SMAD5: variants seen among roughly 807,000 people sequenced by gnomAD.
SMAD5 encodes MAD, mothers against decapentaplegic homolog 5.
In SMAD5, 9 loss-of-function variants were observed where a neutral mutation model predicts 43.1. The ratio of observed to expected loss-of-function variants is 0.21; its 90% CI spans 0.13 to 0.36. The LOEUF is 0.36. Ranked by LOEUF, SMAD5 falls within the 10% of genes least tolerant of loss-of-function variation. The pLI is 1.00. For missense variants in SMAD5, 348 were observed against 574.0 expected (o/e 0.61, Z 4.02); for synonymous variants, 190 against 192.4 (o/e 0.99, Z 0.10).
intron 1 of SMAD5, among the ~76,000 whole-genome samples, chr5:136,138,811 A>G (rs7730051): frequency 0.36 from 54,786 of 152,074 alleles, 10,858 homozygotes; most frequent in African/African-American, 0.54. Context: ...AAATGTGGGC[A>G]GTAAGGCCCT....
intron 6 of SMAD5, among the ~76,000 whole-genome samples, chr5:136,173,472 C>G (rs1378841708): frequency 1.3e-5 from 2 of 151,966 alleles, no homozygotes; most frequent in Non-Finnish European, 2.9e-5. Context: ...TCAAAAAAAT[C>G]CTGCGGCCAA....
intron 5 of SMAD5, 86 bp from the exon 6 acceptor site, chr5:136,172,348 A>G (rs1285655954): frequency 1.1e-5 from 8 of 732,980 alleles, no homozygotes; most frequent in Non-Finnish European, 1.8e-5. Context: ...TTCATGTAAT[A>G]CTTGGGTTGG....
At chr5:136,151,130 CATTT>C (rs1259417690) in intron 2 of SMAD5, among the ~76,000 whole-genome samples, 1 of 151,970 alleles carries the variant, frequency 6.6e-6, no homozygotes, top group African/African-American at 2.4e-5. Flanking sequence ...TTTTCTTACT[CATTT>C]ATTTGATAAA....
At chr5:136,153,282 A>C (rs758860368) in intron 2 of SMAD5, among the ~76,000 whole-genome samples, 3 of 152,134 alleles carry the variant, frequency 2.0e-5, no homozygotes, top group Non-Finnish European at 4.4e-5. Context: ...CAAATTTTAG[A>C]AGAGTGTTTT....
chr5:136,163,239 G>A lies in SMAD5; in HGVS notation c.656-33G>A, dbSNP rs751524351. On this transcript the variant is annotated intron_variant, in intron 4 of 7. Transcript: ENST00000545279. ...TTAGAGTAATAATTTTGAGCAGAATGAAGATTTTAATTATTATTTTTTTTC... is the reference window on the plus strand; with the variant it reads ...TTAGAGTAATAATTTTGAGCAGAATAAAGATTTTAATTATTATTTTTTTTC... 5 of 1,566,224 alleles carry A rather than the reference G, an allele frequency of 3.2e-6. No individual in the cohort carries two copies. The South Asian group carries it at 3.5e-5, about 11-fold the overall frequency.
intron 1 of SMAD5, chr5:136,147,335 T>C (rs183456878): frequency 6.6e-6 from 1 of 151,874 alleles, no homozygotes; most frequent in African/African-American, 2.4e-5. Context: ...TTAAGTGGTA[T>C]AAAAATAAGT....
chr5:136,182,077 C>T lies in SMAD5; in HGVS notation c.*4597C>T, dbSNP rs1388557909. ...TCTTAAAATGATCGTAAACCATTAT[C>T]CTTTAAAGGTTTATTTGAAGATGCT... On this transcript the variant is annotated 3_prime_UTR_variant, in exon 8 of 8. Coordinates refer to ENST00000545279, the MANE Select transcript of SMAD5 (RefSeq NM_005903.7). 1.3e-5 allele frequency: 2 copies of T among 152,012 alleles called. No homozygotes were observed. Among genetic ancestry groups the T allele is most frequent in the African/African-American group, 2.4e-5 (1 of 41,388 alleles). 9.4% of individuals were successfully genotyped at this position (152,012 alleles called of 1,614,324 possible). A position where few individuals can be genotyped will look rare whatever the true frequency, so the allele number is the denominator to read the frequency against.
At chr5:136,156,138 T>G (rs894782555) in intron 3 of SMAD5, among the ~76,000 whole-genome samples, 1 of 152,204 alleles carries the variant, frequency 6.6e-6, no homozygotes, top group Non-Finnish European at 1.5e-5. Context: ...CATGTGATTG[T>G]TGACAGATTT....
At chr5:136,168,881 A>G (rs1031725585) in intron 5 of SMAD5, among the ~76,000 whole-genome samples, 1 of 152,098 alleles carries the variant, frequency 6.6e-6, no homozygotes, top group African/African-American at 2.4e-5. Context: ...ATGTCTTTTT[A>G]TGGCTTGATA....
In SMAD5 at chr5:136,153,920, A is replaced by G; in HGVS notation, c.160A>G (p.Lys54Glu). 6.2e-7 allele frequency: 1 copy of G among 1,614,014 alleles called. No homozygotes were observed. Among genetic ancestry groups the G allele is most frequent in the Non-Finnish European group, 8.5e-7 (1 of 1,179,926 alleles). The change falls in exon 3 of 8, where the codon AAA becomes GAA. Residue 54 changes from lysine (K) to glutamate (E), a missense_variant. Physicochemically the swap from Lys to Glu is moderately conservative, Grantham distance 56. Around this residue, in one of 5 missense-constraint regions of SMAD5, gnomAD observed 39 missense variants for 78.5 expected, o/e 0.50. Coordinates refer to ENST00000545279, the MANE Select transcript of SMAD5 (RefSeq NM_005903.7). ...KKKGAMEELE[K>E]ALSSPGQPSK... ...AAAGGGTGCCATGGAGGAACTGGAGAAAGCCTTGAGCAGTCCAGGACAGCC... is the reference window on the plus strand; with the variant it reads ...AAAGGGTGCCATGGAGGAACTGGAGGAAGCCTTGAGCAGTCCAGGACAGCC...
chr5:136,176,524 A>ATGATTT (rs1205523706), intron 7 of SMAD5, among the ~76,000 whole-genome samples: 7 of 146,260 alleles, frequency 4.8e-5, no homozygotes, highest in African/African-American at 1.7e-4. Context: ...GAGGCTATTT[A>ATGATTT]TGATTTTGAT....
chr5:136,154,457 G>A (rs1022216838), intron 3 of SMAD5, among the ~76,000 whole-genome samples: 1 of 152,098 alleles, frequency 6.6e-6, no homozygotes, highest in South Asian at 2.1e-4. Context: ...AGCTCCAAGT[G>A]TGTACTATAT....
chr5:136,177,409 C>A lies in SMAD5; in HGVS notation c.1327C>A (p.Pro443Thr). Residue 443 changes from proline (P) to threonine (T), a missense_variant, in exon 8 of 8, where the codon CCT (proline) becomes ACT (threonine). By Grantham distance (38) the Pro-to-Thr change is conservative. This residue lies in a region of SMAD5 where 97 missense variants were observed against 211.8 expected (regional missense o/e 0.46). Coordinates refer to ENST00000545279, the MANE Select transcript of SMAD5 (RefSeq NM_005903.7). ...TTGGATTGAGATTCATCTTCATGGG[C>A]CTCTTCAGTGGCTGGATAAAGTCCT... is the stretch of plus-strand genomic sequence containing the variant. ...PCWIEIHLHG[P>T]LQWLDKVLTQ... The A allele has an allele frequency of 6.2e-7, 1 of 1,610,950 alleles. No homozygotes were observed. Among genetic ancestry groups the A allele is most frequent in the Non-Finnish European group, 8.5e-7 (1 of 1,177,310 alleles).
chr5:136,162,655 C>G (rs533022916), intron 4 of SMAD5, among the ~76,000 whole-genome samples: 1 of 152,162 alleles, frequency 6.6e-6, no homozygotes, highest in African/African-American at 2.4e-5. Flanking sequence ...ATAGCTGTAG[C>G]TTTTGCAAAA....
At position 136,180,966 on chromosome 5, in the gene SMAD5, G is replaced by C. The variant is rs1318870180; in HGVS notation, c.*3486G>C. The C allele has an allele frequency of 6.6e-6, 1 of 152,082 alleles. No homozygotes were observed. The highest frequency in any genetic ancestry group is 2.4e-5 in the African/African-American group (1 of 41,430). The allele number at this position is 152,082 out of a possible 1,614,324, so 9.4% of individuals were successfully genotyped here. A position where few individuals can be genotyped will look rare whatever the true frequency, so the allele number is the denominator to read the frequency against. On this transcript the variant is annotated 3_prime_UTR_variant, in exon 8 of 8. Transcript: ENST00000545279. Reference sequence around the variant, plus strand: ...CATATTACCTGAGGGTACCTGTGGGGAACAGTTCCTTCCCCTGTGTGGTAG... The same window carrying C: ...CATATTACCTGAGGGTACCTGTGGGCAACAGTTCCTTCCCCTGTGTGGTAG...
At chr5:136,159,282 A>G (rs1477425009) in intron 3 of SMAD5, among the ~76,000 whole-genome samples, 1 of 152,226 alleles carries the variant, frequency 6.6e-6, no homozygotes, top group Non-Finnish European at 1.5e-5. Flanking sequence ...CTTGACTAAT[A>G]ATAGCAATAT....
rs576156105 is a variant in SMAD5 at position 136,172,006 on chromosome 5, G to A, written c.776-428G>A. On this transcript the variant is annotated intron_variant, in intron 5 of 7. Coordinates refer to ENST00000545279, the MANE Select transcript of SMAD5 (RefSeq NM_005903.7). ...GGAAAAGAAACAGATCTTTCTCTAA[G>A]AGCATGCACTGAGGAGGGGCCATAT... is the stretch of plus-strand genomic sequence containing the variant. 4.5e-3 allele frequency among the ~76,000 whole-genome samples: 681 copies of A among 152,266 alleles called. 5 individuals carry two copies. Among genetic ancestry groups the A allele is most frequent in the Non-Finnish European group, 7.4e-3 (506 of 68,018 alleles).
At chr5:136,158,219 C>G (rs1028368563) in intron 3 of SMAD5, among the ~76,000 whole-genome samples, 2 of 151,388 alleles carry the variant, frequency 1.3e-5, no homozygotes, top group African/African-American at 4.9e-5. Context: ...GTAATCAGAA[C>G]AAAGGATAAA....
At chr5:136,174,912 A>C (rs951454189) in intron 7 of SMAD5, among the ~76,000 whole-genome samples, 1 of 152,232 alleles carries the variant, frequency 6.6e-6, no homozygotes, top group Admixed American at 6.5e-5. Context: ...CTAAATTTCT[A>C]GAAAGCATTT....
Sources: allele counts gnomAD v4.1 joint callset (sites outside exome capture counted in the v4.1 genomes callset), GRCh38; gene constraint gnomAD v4.1.1; regional missense constraint gnomAD v4.1.1; transcripts MANE v1.5; gene names NCBI Gene and HGNC (gene_info 2026-07-23, HGNC 2026-07-21).